The following LGR4 variants were observed in gnomAD, a reference collection of about 807,000 sequenced individuals.
The protein encoded by LGR4 is leucine rich repeat containing G protein-coupled receptor 4.
In LGR4, 44 loss-of-function variants were observed where a neutral mutation model predicts 84.8. The observed-to-expected ratio is 0.52, with a 90% CI of 0.41 to 0.67. The LOEUF is 0.67. LGR4 is among the 30% of genes least tolerant of loss of function. The pLI is 0.00. For synonymous variants in LGR4, 429 were observed against 434.3 expected (o/e 0.99, Z 0.15); for missense variants, 1,032 against 1,131.4 (o/e 0.91, Z 1.26).
At chr11:27,408,702 T>C (rs1288425551) in intron 2 of LGR4, among the ~76,000 whole-genome samples, 3 of 152,100 alleles carry the variant, frequency 2.0e-5, no homozygotes, top group African/African-American at 4.8e-5. Flanking sequence ...TCCTTTTACA[T>C]TGTGAACAGA....
chr11:27,456,267 A>G (rs1023799326), intron 1 of LGR4, among the ~76,000 whole-genome samples: 1 of 152,156 alleles, frequency 6.6e-6, no homozygotes, highest in Non-Finnish European at 1.5e-5. Context: ...ATGGGAACCC[A>G]TCAAGTCTGT....
At chr11:27,452,881 T>G (rs1002295663) in intron 1 of LGR4, among the ~76,000 whole-genome samples, 1 of 151,902 alleles carries the variant, frequency 6.6e-6, no homozygotes, top group Non-Finnish European at 1.5e-5. Flanking sequence ...TTGAAAACTA[T>G]CCATAGTCAT....
chr11:27,383,383 T>C (rs189726411), intron 6 of LGR4, among the ~76,000 whole-genome samples: 1 of 152,320 alleles, frequency 6.6e-6, no homozygotes, highest in Admixed American at 6.5e-5. Flanking sequence ...ATTGAAATAG[T>C]GTACACAGCT....
intron 15 of LGR4, chr11:27,372,936 T>G (rs1862912144): frequency 2.6e-5 from 4 of 152,886 alleles, no homozygotes; most frequent in Admixed American, 1.3e-4. Flanking sequence ...CACAGCTCAG[T>G]GCAGCCTAGA....
At chr11:27,417,478 A>G (rs1400290236) in intron 1 of LGR4, among the ~76,000 whole-genome samples, 1 of 152,194 alleles carries the variant, frequency 6.6e-6, no homozygotes, top group African/African-American at 2.4e-5. Flanking sequence ...AAATGCCTCC[A>G]GTGGAACAAA....
chr11:27,393,708 C>A (rs554830160), intron 2 of LGR4, among the ~76,000 whole-genome samples: 2 of 152,082 alleles, frequency 1.3e-5, no homozygotes, highest in South Asian at 2.1e-4. Context: ...AGACACACAA[C>A]ATCTTTAGGT....
chr11:27,371,539 A>G lies in LGR4; in HGVS notation c.1579+76T>C. The G allele has an allele frequency of 4.0e-6, 4 of 1,010,172 alleles. No homozygotes were observed. The South Asian group carries it at 5.7e-5, about 14-fold the overall frequency. The allele number at this position is 1,010,172 out of a possible 1,614,324, so 62.6% of individuals were successfully genotyped here. A position where few individuals can be genotyped will look rare whatever the true frequency, so the allele number is the denominator to read the frequency against. On this transcript the variant is annotated intron_variant, in intron 17 of 17. Transcript: ENST00000379214. ...CATCCCTATTACAGAAATCACATCT[A>G]TACCCAGGACATTTAGATATATTTG...
chr11:27,374,308 C>T (rs758697767), intron 13 of LGR4, among the ~76,000 whole-genome samples: 6 of 152,160 alleles, frequency 3.9e-5, no homozygotes, highest in Non-Finnish European at 7.3e-5. Flanking sequence ...CCCACTTTAT[C>T]ATTCTGATAC....
chr11:27,454,798 C>T (rs1179585486), intron 1 of LGR4, among the ~76,000 whole-genome samples: 2 of 149,016 alleles, frequency 1.3e-5, no homozygotes, highest in Non-Finnish European at 3.0e-5. Flanking sequence ...TTGCATTAAA[C>T]ATTTTTATTC....
intron 1 of LGR4, among the ~76,000 whole-genome samples, chr11:27,457,421 C>T (rs1864594249): frequency 6.6e-6 from 1 of 152,150 alleles, no homozygotes; most frequent in Non-Finnish European, 1.5e-5. Context: ...GCTAAGAATT[C>T]TTCTCTTTTA....
At chr11:27,412,708 T>C in intron 2 of LGR4, 81 bp downstream of exon 2, 2 of 864,324 alleles carry the variant, frequency 2.3e-6, no homozygotes, top group South Asian at 2.7e-5. Flanking sequence ...ACAGAAAACA[T>C]CAGACTTTCT....
chr11:27,368,074 T>C lies in LGR4; in HGVS notation c.2649A>G (p.Ala883=). The change falls in exon 18 of 18, where the codon GCA becomes GCG. Residue 883 remains alanine (A), a synonymous_variant. Transcript: ENST00000379214. Reference sequence around the variant, plus strand: ...GTCTTTGGCAAGAAGCCACTGCCAATGCAGGACAGCTGTGTGATTTTATCA... The same window carrying C: ...GTCTTTGGCAAGAAGCCACTGCCAACGCAGGACAGCTGTGTGATTTTATCA... The part of the protein sequence containing the change: ...KHLIKSHSCP[A]LAVASCQRPE... 1.4e-6 allele frequency: 2 copies of C among 1,403,248 alleles called. No homozygotes were observed. Among genetic ancestry groups the C allele is most frequent in the Non-Finnish European group, 1.9e-6 (2 of 1,045,944 alleles). 86.9% of individuals were successfully genotyped at this position (1,403,248 alleles called of 1,614,324 possible). A position where few individuals can be genotyped will look rare whatever the true frequency, so the allele number is the denominator to read the frequency against.
Position 27,410,569 on chromosome 11 carries a change from G to A in LGR4, c.257+2220C>T, listed in dbSNP as rs371623935. Among the ~76,000 whole-genome samples the A allele has an allele frequency of 7.2e-5, 11 of 152,156 alleles. No homozygotes were observed. In the East Asian group the frequency reaches 1.9e-3, roughly 27 times the overall value. ...CAATAGTCATGGCGGCATCATTTTG[G>A]AATGTCAAAATCAACTACACTGTTT... On this transcript the variant is annotated intron_variant, in intron 2 of 17. Transcript: ENST00000379214.
At chr11:27,456,015 G>A (rs1428525109) in intron 1 of LGR4, among the ~76,000 whole-genome samples, 1 of 152,120 alleles carries the variant, frequency 6.6e-6, no homozygotes, top group Non-Finnish European at 1.5e-5. Flanking sequence ...ACAAGAGGAT[G>A]GTGATGATAT....
chr11:27,471,146 C>T (rs1199148145), intron 1 of LGR4, among the ~76,000 whole-genome samples: 1 of 152,208 alleles, frequency 6.6e-6, no homozygotes, highest in Non-Finnish European at 1.5e-5. Context: ...CCTTTGCCAC[C>T]ACCTCCACAA....
chr11:27,397,447 C>T (rs1200516906), intron 2 of LGR4, among the ~76,000 whole-genome samples: 1 of 152,102 alleles, frequency 6.6e-6, no homozygotes, highest in Non-Finnish European at 1.5e-5. Context: ...TGTATGACCC[C>T]TTACAAAGAC....
Position 27,368,915 on chromosome 11 carries a change from C to G in LGR4, c.1808G>C (p.Gly603Ala). The part of the protein sequence containing the change: ...ILTFLDAVSW[G>A]RFAEFGIWWE... ...CCAAATGCCAAATTCAGCGAATCTGCCCCAGGACACAGCATCAAGAAAAGT... is the reference window on the plus strand; with the variant it reads ...CCAAATGCCAAATTCAGCGAATCTGGCCCAGGACACAGCATCAAGAAAAGT... The change falls in exon 18 of 18, where the codon GGC (glycine) becomes GCC (alanine). Residue 603 changes from glycine to alanine, a missense_variant. By Grantham distance (60) the Gly-to-Ala change is moderately conservative. Coordinates refer to ENST00000379214, the MANE Select transcript of LGR4 (RefSeq NM_018490.5). 6.2e-7 allele frequency: 1 copy of G among 1,614,112 alleles called. No homozygotes were observed. Among genetic ancestry groups the G allele is most frequent in the Non-Finnish European group, 8.5e-7 (1 of 1,180,008 alleles).
intron 1 of LGR4, among the ~76,000 whole-genome samples, chr11:27,459,689 C>A (rs945677207): frequency 1.3e-5 from 2 of 151,702 alleles, no homozygotes; most frequent in African/African-American, 2.4e-5. Flanking sequence ...CTTGGCCAGG[C>A]TGGTCTCGAA....
chr11:27,445,685 T>C (rs1258911400), intron 1 of LGR4, among the ~76,000 whole-genome samples: 1 of 152,066 alleles, frequency 6.6e-6, no homozygotes, highest in Non-Finnish European at 1.5e-5. Flanking sequence ...TGAGACCAGC[T>C]AGGCAAGACA....
Sources: allele counts gnomAD v4.1 joint callset (sites outside exome capture counted in the v4.1 genomes callset), GRCh38; gene constraint gnomAD v4.1.1; transcripts MANE v1.5; gene names NCBI Gene and HGNC (gene_info 2026-07-23, HGNC 2026-07-21).